Variants in ETFDH observed in about 807,000 individuals in gnomAD.
The protein encoded by ETFDH is electron transfer flavoprotein dehydrogenase.
In ETFDH, 61 loss-of-function variants were observed where a neutral mutation model predicts 73.2. That is an observed-to-expected ratio of 0.83 (90% CI 0.68 to 1.03). The LOEUF (loss-of-function observed/expected upper bound fraction) is 1.03, where lower values mean the gene tolerates loss of function less well. ETFDH is among the 50% of genes least tolerant of loss of function. ETFDH has a pLI of 0.00. For synonymous variants in ETFDH, 243 were observed against 253.3 expected, an observed-to-expected ratio of 0.96 and a Z score of 0.39; for missense variants, 685 against 745.0, an observed-to-expected ratio of 0.92 and a Z score of 0.94.
chr4:158,697,908 G>A (rs541842305), intron 8 of ETFDH, among the ~76,000 whole-genome samples: 7 of 152,288 alleles, frequency 4.6e-5, no homozygotes, highest in Non-Finnish European at 1.0e-4. Flanking sequence ...TACACTCCAG[G>A]CACTGTGCTG....
Position 158,690,411 on chromosome 4 carries a change from G to C in ETFDH, c.670G>C (p.Asp224His). Residue 224 changes from aspartate (D) to histidine (H), a missense_variant, in exon 6 of 13, where the codon GAT (aspartate) becomes CAT (histidine). Asp to His is a moderately conservative substitution (Grantham distance 81). Around this residue, in one of 3 missense-constraint regions of ETFDH, gnomAD observed 405 missense variants for 399.3 expected, o/e 1.01. Coordinates refer to ENST00000511912, the MANE Select transcript of ETFDH (RefSeq NM_004453.4). ...IATNDVGIQKDGAPKATFERG... is the reference protein window; with the variant it reads ...IATNDVGIQKHGAPKATFERG... ...CACTAACGATGTAGGGATACAAAAG[G>C]ATGGTGCACCAAAGGTAAACCTTTT... 6.3e-7 allele frequency: 1 copy of C among 1,582,860 alleles called. No homozygotes were observed. The highest frequency in any genetic ancestry group is 8.7e-7 in the Non-Finnish European group (1 of 1,151,474).
At chr4:158,677,292 G>A (rs954439247) in intron 1 of ETFDH, among the ~76,000 whole-genome samples, 7 of 152,210 alleles carry the variant, frequency 4.6e-5, no homozygotes, top group Admixed American at 1.3e-4. Flanking sequence ...ATTTTAGGGA[G>A]AAAAGTTACA....
At position 158,682,111 on chromosome 4, in the gene ETFDH, GC is replaced by G. The variant is rs1343079833; in HGVS notation, c.176-83del. ...GAATTTCCATAAATAATACTCTAAA[GC>G]ACAGTGGATATTTTTTAACTGTCAT... On this transcript the variant is annotated intron_variant, in intron 2 of 12. Transcript: ENST00000511912. The G allele has an allele frequency of 1.1e-5, 17 of 1,588,276 alleles. No individual in the cohort carries two copies. The Admixed American group carries it at 2.2e-4, about 20-fold the overall frequency.
rs534095599 is a variant in ETFDH at position 158,708,466 on chromosome 4, G to A, written c.1793G>A (p.Ser598Asn). The A allele has an allele frequency of 1.4e-5, 22 of 1,613,102 alleles. No individual in the cohort carries two copies. In the African/African-American group the frequency reaches 1.9e-4, roughly 14 times the overall value. The change falls in exon 13 of 13, where the codon AGT becomes AAT. Residue 598 changes from serine (S) to asparagine (N), a missense_variant. Ser to Asn is a conservative substitution (Grantham distance 46). Around this residue, in one of 3 missense-constraint regions of ETFDH, gnomAD observed 201 missense variants for 225.2 expected, o/e 0.89. Coordinates refer to ENST00000511912, the MANE Select transcript of ETFDH (RefSeq NM_004453.4). ...AAAACATGTGATATTAAAGATCCAAGTCAGAATATTAACTGGGTGGTACCT... is the reference window on the plus strand; with the variant it reads ...AAAACATGTGATATTAAAGATCCAAATCAGAATATTAACTGGGTGGTACCT... Reference protein sequence around the residue: ...HCKTCDIKDPSQNINWVVPEG... With the variant: ...HCKTCDIKDPNQNINWVVPEG...
chr4:158,684,729 C>A, intron 4 of ETFDH, 56 bp downstream of exon 4: 3 of 995,774 alleles, frequency 3.0e-6, no homozygotes, highest in Non-Finnish European at 4.8e-6. Flanking sequence ...GAAGGAACTA[C>A]ATTTCATCTG....
chr4:158,706,238 G>C lies in ETFDH; in HGVS notation c.1335G>C (p.Trp445Cys). 1.9e-6 allele frequency: 3 copies of C among 1,612,580 alleles called. No homozygotes were observed. Among genetic ancestry groups the C allele is most frequent in the Non-Finnish European group, 2.5e-6 (3 of 1,178,526 alleles). The change falls in exon 11 of 13, where the codon TGG (tryptophan) becomes TGC (cysteine). Residue 445 changes from tryptophan to cysteine, a missense_variant. Coordinates refer to ENST00000511912, the MANE Select transcript of ETFDH (RefSeq NM_004453.4). ...ACAATTTGAAGAACTCATGGGTATG[G>C]AAAGAGCTATATTCTGTTAGAAATA... The part of the protein sequence containing the change: ...YEDNLKNSWV[W>C]KELYSVRNIR...
chr4:158,689,636 A>ATATATATGTATT (rs765147554), intron 5 of ETFDH, among the ~76,000 whole-genome samples: 1 of 63,666 alleles, frequency 1.6e-5, no homozygotes, highest in Non-Finnish European at 3.0e-5. Flanking sequence ...ATATATATAT[A>ATATATATGTATT]TTGTGGGGGG....
At chr4:158,705,391 A>G (rs1580421555) in intron 10 of ETFDH, among the ~76,000 whole-genome samples, 2 of 152,332 alleles carry the variant, frequency 1.3e-5, no homozygotes, top group East Asian at 3.9e-4. Context: ...GATACCAGCC[A>G]TATTGGATTA....
chr4:158,672,422 G>A lies in ETFDH; in HGVS notation c.-35G>A. The A allele has an allele frequency of 6.2e-7, 1 of 1,613,626 alleles. No homozygotes were observed. Among genetic ancestry groups the A allele is most frequent in the South Asian group, 1.1e-5 (1 of 91,080 alleles). Reference sequence around the variant, plus strand: ...GCCGCGAGCAGCGGACAGTCCTCCTGTTGTGTCCGACCGAGAGTCCTGGTG... The same window carrying A: ...GCCGCGAGCAGCGGACAGTCCTCCTATTGTGTCCGACCGAGAGTCCTGGTG... On this transcript the variant is annotated 5_prime_UTR_variant, in exon 1 of 13. Coordinates refer to ENST00000511912, the MANE Select transcript of ETFDH (RefSeq NM_004453.4).
At chr4:158,684,518 A>G in intron 3 of ETFDH, 74 bp from the exon 4 acceptor site, 1 of 849,392 alleles carries the variant, frequency 1.2e-6, no homozygotes, top group Non-Finnish European at 2.0e-6. Context: ...AGTACATTTT[A>G]TAGTTTTTTT....
chr4:158,684,905 CT>C, intron 4 of ETFDH, 195 bp from the exon 5 acceptor site: 1 of 615,710 alleles, frequency 1.6e-6, no homozygotes. Context: ...GAATTTCTAA[CT>C]TAGTGCTTTA....
intron 6 of ETFDH, among the ~76,000 whole-genome samples, chr4:158,692,858 TA>T (rs1221153945): frequency 0.079 from 7,824 of 98,528 alleles, 703 homozygotes; most frequent in African/African-American, 0.26. Flanking sequence ...AGACTCCATC[TA>T]AAAAAAAAAA....
intron 1 of ETFDH, among the ~76,000 whole-genome samples, chr4:158,674,251 T>C (rs866750365): frequency 5.3e-5 from 8 of 152,220 alleles, no homozygotes; most frequent in African/African-American, 1.9e-4. Flanking sequence ...TTTCCAAAAT[T>C]GAGGATAGGT....
chr4:158,673,224 A>G (rs2150301026), intron 1 of ETFDH, among the ~76,000 whole-genome samples: 1 of 152,316 alleles, frequency 6.6e-6, no homozygotes, highest in South Asian at 2.1e-4. Flanking sequence ...GAATCACTTG[A>G]ACCCGGAGGT....
chr4:158,704,295 A>G (rs1381840576), intron 10 of ETFDH, among the ~76,000 whole-genome samples: 1 of 152,204 alleles, frequency 6.6e-6, no homozygotes, highest in South Asian at 2.1e-4. Flanking sequence ...CTTTGTAAGT[A>G]TAGGCCTATG....
chr4:158,685,036 A>ATTTATGT (rs1480850444), intron 4 of ETFDH, 65 bp from the exon 5 acceptor site: 1 of 931,102 alleles, frequency 1.1e-6, no homozygotes, highest in Non-Finnish European at 1.8e-6. Context: ...ATTTTAAAGT[A>ATTTATGT]TTTATGTTTT....
intron 1 of ETFDH, among the ~76,000 whole-genome samples, chr4:158,673,668 A>G (rs1773640241): frequency 6.6e-6 from 1 of 152,194 alleles, no homozygotes; most frequent in African/African-American, 2.4e-5. Context: ...GCTGCACTTA[A>G]TGTATGGATA....
rs2150300616 is a variant in ETFDH at position 158,672,545 on chromosome 4, G to A, written c.34+55G>A. On this transcript the variant is annotated intron_variant, in intron 1 of 12. Coordinates refer to ENST00000511912, the MANE Select transcript of ETFDH (RefSeq NM_004453.4). ...GGAGGAGTTAGGGCAAAAGGGACAA[G>A]GCCGGTCCTGGGGGCTGTAGGCACC... is the stretch of plus-strand genomic sequence containing the variant. 21 of 1,564,572 alleles carry A rather than the reference G, an allele frequency of 1.3e-5. No homozygotes were observed. The South Asian group carries it at 2.1e-4, about 16-fold the overall frequency.
intron 9 of ETFDH, among the ~76,000 whole-genome samples, chr4:158,702,277 T>C (rs1190622102): frequency 1.3e-5 from 2 of 152,160 alleles, no homozygotes; most frequent in African/African-American, 4.8e-5. Context: ...GGGTAATTAG[T>C]ATACCCATCA....
Sources: gnomAD v4.1 joint callset for allele counts (sites outside exome capture counted in the v4.1 genomes callset) on GRCh38, gnomAD v4.1.1 for gene constraint, gnomAD v4.1.1 regional missense constraint, MANE v1.5 for transcripts, NCBI Gene and HGNC (gene_info 2026-07-23, HGNC 2026-07-21) for gene names.